The following NDST4 variants were observed in gnomAD, a reference collection of about 807,000 sequenced individuals.
The protein encoded by NDST4 is N-heparan sulfate sulfotransferase 4.
In NDST4, 63 loss-of-function variants were observed where a neutral mutation model predicts 100.8. That is an observed-to-expected ratio of 0.62 (90% CI 0.51 to 0.77). NDST4 has a LOEUF of 0.77. Ranked by LOEUF, NDST4 falls within the 30% of genes least tolerant of loss-of-function variation. The pLI is 0.00. For missense variants in NDST4, 943 were observed against 1,018.4 expected, an observed-to-expected ratio of 0.93 and a Z score of 1.01; for synonymous variants, 377 against 361.8, an observed-to-expected ratio of 1.04 and a Z score of -0.48.
intron 2 of NDST4, among the ~76,000 whole-genome samples, chr4:115,033,641 G>C (rs1171697722): frequency 6.6e-6 from 1 of 151,600 alleles, no homozygotes; most frequent in African/African-American, 2.4e-5. Flanking sequence ...CATCAGTTAG[G>C]GTTACAACAT....
chr4:114,944,636 A>G (rs1427862408), intron 4 of NDST4, among the ~76,000 whole-genome samples: 1 of 152,220 alleles, frequency 6.6e-6, no homozygotes, highest in African/African-American at 2.4e-5. Flanking sequence ...GTGAAACCAT[A>G]CAATGTAGGT....
chr4:114,926,451 A>T (rs928731611), intron 6 of NDST4, among the ~76,000 whole-genome samples: 6 of 152,140 alleles, frequency 3.9e-5, no homozygotes, highest in African/African-American at 1.4e-4. Flanking sequence ...ATTCCAACTC[A>T]TATCTTCTGT....
chr4:114,863,944 A>G lies in NDST4; in HGVS notation c.1719+6824T>C, dbSNP rs140448140. ...AAATAAGTAAAAATTGCAAATTCGC[A>G]ATCAAGCTAAAAAGAACATAGATTG... On this transcript the variant is annotated intron_variant, in intron 7 of 13. Transcript: ENST00000264363. 1.1e-3 allele frequency among the ~76,000 whole-genome samples: 174 copies of G among 152,330 alleles called. 2 individuals are homozygous for G. The highest frequency in any genetic ancestry group is 3.9e-3 in the African/African-American group (163 of 41,590).
intron 2 of NDST4, among the ~76,000 whole-genome samples, chr4:115,054,399 A>G (rs1370138955): frequency 6.6e-6 from 1 of 152,160 alleles, no homozygotes; most frequent in African/African-American, 2.4e-5. Flanking sequence ...TCAAACTAGA[A>G]TAAATCTTTG....
chr4:114,931,917 T>A (rs1374843775), intron 6 of NDST4, among the ~76,000 whole-genome samples: 1 of 151,490 alleles, frequency 6.6e-6, no homozygotes, highest in South Asian at 2.1e-4. Context: ...AAAAAAAAAA[T>A]TAGAGAATTA....
At position 114,986,832 on chromosome 4, in the gene NDST4, A is replaced by ATATT; in HGVS notation, c.979-9559_979-9558insAATA. Among the ~76,000 whole-genome samples the ATATT allele has an allele frequency of 2.0e-3, 190 of 94,614 alleles. 7 individuals carry two copies. The highest frequency in any genetic ancestry group is 6.8e-3 in the East Asian group (19 of 2,782). 62.1% of individuals were successfully genotyped at this position (94,614 alleles called of 152,430 possible). A position where few individuals can be genotyped will look rare whatever the true frequency, so the allele number is the denominator to read the frequency against. ...TATATATATATATATATATATATAT[A>ATATT]TTTTAATATACTATTCCTATAAGCT... On this transcript the variant is annotated intron_variant, in intron 2 of 13. Transcript: ENST00000264363.
chr4:115,032,028 G>A (rs796409733), intron 2 of NDST4, among the ~76,000 whole-genome samples: 3 of 152,098 alleles, frequency 2.0e-5, no homozygotes, highest in East Asian at 3.9e-4. Flanking sequence ...CCCTCCAACT[G>A]GCAATATAAA....
At chr4:115,066,665 C>T (rs1728953634) in intron 2 of NDST4, among the ~76,000 whole-genome samples, 1 of 152,104 alleles carries the variant, frequency 6.6e-6, no homozygotes, top group South Asian at 2.1e-4. Context: ...TTGATACTGC[C>T]TGTTTTTCTC....
In NDST4 at chr4:115,013,370, T is replaced by TATATACAC. The variant is rs74678897; in HGVS notation, c.979-36097_979-36096insGTGTATAT. 7.8e-3 allele frequency among the ~76,000 whole-genome samples: 555 copies of TATATACAC among 71,464 alleles called. 8 individuals carry two copies. The highest frequency in any genetic ancestry group is 0.023 in the Middle Eastern group (2 of 88). The allele number at this position is 71,464 out of a possible 152,430, so 46.9% of individuals were successfully genotyped here. On this transcript the variant is annotated intron_variant, in intron 2 of 13. Transcript: ENST00000264363. Reference sequence around the variant, plus strand: ...CCATATATATATATATATATATATATACACACACATACATACCTAATATGT... The same window carrying TATATACAC: ...CCATATATATATATATATATATATATATATACACACACACACATACATACCTAATATGT...
intron 4 of NDST4, among the ~76,000 whole-genome samples, chr4:114,961,604 T>TA (rs1245142254): frequency 4.0e-5 from 6 of 151,312 alleles, no homozygotes; most frequent in African/African-American, 1.5e-4. Flanking sequence ...AATTAGTAAA[T>TA]GTCTAGACAC....
intron 6 of NDST4, among the ~76,000 whole-genome samples, chr4:114,923,705 T>C (rs1211213588): frequency 6.6e-6 from 1 of 152,104 alleles, no homozygotes; most frequent in Admixed American, 6.6e-5. Flanking sequence ...CACCTAGTAC[T>C]TACATATTGC....
chr4:114,965,026 T>C (rs1046708408), intron 4 of NDST4, among the ~76,000 whole-genome samples: 1 of 152,120 alleles, frequency 6.6e-6, no homozygotes, highest in Non-Finnish European at 1.5e-5. Flanking sequence ...GTGTAAAGAT[T>C]TTTTTATTTG....
chr4:114,950,986 A>G (rs2126231963), intron 4 of NDST4, among the ~76,000 whole-genome samples: 1 of 152,152 alleles, frequency 6.6e-6, no homozygotes, highest in Middle Eastern at 3.4e-3. Context: ...TGCTCAGCAG[A>G]TAATGCATAT....
intron 1 of NDST4, among the ~76,000 whole-genome samples, chr4:115,104,645 T>C (rs1679070851): frequency 6.6e-6 from 1 of 152,158 alleles, no homozygotes; most frequent in African/African-American, 2.4e-5. Context: ...TGAATGTTAG[T>C]TAATTTTCAA....
At chr4:114,889,021 A>G (rs1175149999) in intron 6 of NDST4, among the ~76,000 whole-genome samples, 1 of 152,068 alleles carries the variant, frequency 6.6e-6, no homozygotes, top group African/African-American at 2.4e-5. Flanking sequence ...CCTGCCAGCT[A>G]TCAGTTCCTC....
chr4:115,074,513 A>C (rs906798907), intron 2 of NDST4, among the ~76,000 whole-genome samples: 3 of 152,060 alleles, frequency 2.0e-5, no homozygotes, highest in Non-Finnish European at 2.9e-5. Context: ...ACATACTAAA[A>C]AAGTAAAAGA....
chr4:115,103,964 T>G (rs566562927), intron 1 of NDST4, among the ~76,000 whole-genome samples: 4 of 152,180 alleles, frequency 2.6e-5, no homozygotes, highest in Non-Finnish European at 5.9e-5. Flanking sequence ...GACTGGCATC[T>G]AGAATTATCA....
intron 6 of NDST4, among the ~76,000 whole-genome samples, chr4:114,877,280 A>G (rs936499930): frequency 3.9e-5 from 6 of 152,278 alleles, no homozygotes; most frequent in African/African-American, 1.4e-4. Flanking sequence ...ATATTTCCTC[A>G]TAAGCTTTTC....
chr4:115,017,828 C>A (rs1452447094), intron 2 of NDST4, among the ~76,000 whole-genome samples: 1 of 151,784 alleles, frequency 6.6e-6, no homozygotes, highest in Non-Finnish European at 1.5e-5. Context: ...TCATATGCTG[C>A]CCAGTGCCCA....
Sources: allele counts gnomAD v4.1 joint callset (sites outside exome capture counted in the v4.1 genomes callset), GRCh38; gene constraint gnomAD v4.1.1; transcripts MANE v1.5; gene names NCBI Gene and HGNC (gene_info 2026-07-23, HGNC 2026-07-21).